The following TMC6 variants were observed in gnomAD, a reference collection of about 807,000 sequenced individuals.
TMC6 encodes the protein transmembrane channel-like protein 6.
Under a neutral mutation model 95.4 loss-of-function variants are expected in TMC6, and 71 were observed. The observed-to-expected ratio is 0.74, with a 90% CI of 0.61 to 0.91. The LOEUF is 0.91. TMC6 is among the 40% of genes least tolerant of loss of function. The pLI, the probability that TMC6 is intolerant of heterozygous loss-of-function variation, is 0.00. For synonymous variants in TMC6, 514 were observed against 483.1 expected (o/e 1.06, Z -0.84); for missense variants, 1,074 against 1,079.1 (o/e 1.00, Z 0.07).
chr17:78,118,332 G>A (rs749252891), intron 15 of TMC6, among the ~76,000 whole-genome samples: 2 of 151,844 alleles, frequency 1.3e-5, no homozygotes, highest in African/African-American at 2.4e-5. Context: ...TGAGGTGGGC[G>A]ATCACAAGGT....
chr17:78,117,511 TCAG>T lies in TMC6; in HGVS notation c.2152_2154del (p.Leu718del), dbSNP rs772588588. On this transcript the variant is annotated inframe_deletion, in exon 17 of 20. Transcript: ENST00000590602. Reference sequence around the variant, plus strand: ...AGGAAGACAAAGAAGGTGTTTTCCATCAGGTACCGGTGCACCCAGGGCAGCCAG... The same window carrying T: ...AGGAAGACAAAGAAGGTGTTTTCCATGTACCGGTGCACCCAGGGCAGCCAG... 1 of 1,607,496 alleles carries T rather than the reference TCAG, an allele frequency of 6.2e-7. No homozygotes were observed. The highest frequency in any genetic ancestry group is 1.3e-5 in the African/African-American group (1 of 74,852).
chr17:78,121,577 G>A lies in TMC6; in HGVS notation c.1362C>T (p.Val454=), dbSNP rs747212471. 1 of 1,611,550 alleles carries A rather than the reference G, an allele frequency of 6.2e-7. No individual in the cohort carries two copies. The highest frequency in any genetic ancestry group is 8.5e-7 in the Non-Finnish European group (1 of 1,179,742). ...GCACCTGGATCATGAACTCCGAGAA[G>A]ACGTGGACGGCCACGGCGCAGCCCA... ...TALGCAVAVH[V]FSEFMIQSPE... Residue 454 remains valine, a synonymous_variant, in exon 11 of 20, where the codon GTC becomes GTT. Coordinates refer to ENST00000590602, the MANE Select transcript of TMC6 (RefSeq NM_001127198.5). The surrounding 1 kb of genome is among the most constrained non-coding windows in gnomAD (Gnocchi z 5.6).
At chr17:78,116,053 G>A (rs142940275) in intron 18 of TMC6, among the ~76,000 whole-genome samples, 103 of 151,994 alleles carry the variant, frequency 6.8e-4, no homozygotes, top group African/African-American at 1.9e-3. Context: ...TCTGTCGCCC[G>A]GGCTGGAGTG....
chr17:78,130,641 GC>G (rs1325788437), upstream of TMC6: 5 of 152,322 alleles, frequency 3.3e-5, no homozygotes, highest in African/African-American at 9.6e-5. Context: ...CTTCACCTCT[GC>G]ATCTCAGGGG....
intron 15 of TMC6, 200 bp from the exon 16 acceptor site, chr17:78,118,135 A>G: frequency 1.2e-6 from 1 of 858,746 alleles, no homozygotes; most frequent in Non-Finnish European, 1.8e-6. Context: ...TGCCAACAGC[A>G]CCTCCATCTG....
chr17:78,123,981 G>C lies in TMC6; in HGVS notation c.1082+8C>G. 1 of 1,613,706 alleles carries C rather than the reference G, an allele frequency of 6.2e-7. No homozygotes were observed. The highest frequency in any genetic ancestry group is 8.5e-7 in the Non-Finnish European group (1 of 1,179,924). ...CTCGGAGCCTGGGTCATGAGGTGGA[G>C]GCATTACCTGTACACCAGGGTGATG... is the stretch of plus-strand genomic sequence containing the variant. On this transcript the variant is annotated splice_region_variant and intron_variant, in intron 9 of 19. Transcript: ENST00000590602.
chr17:78,111,393 C>G lies in TMC6; in HGVS notation c.*1755G>C, dbSNP rs1034462095. On this transcript the variant is annotated 3_prime_UTR_variant, in exon 20 of 20. Coordinates refer to ENST00000590602, the MANE Select transcript of TMC6 (RefSeq NM_001127198.5). Reference sequence around the variant, plus strand: ...ATGCTGGCAAGCCAGCAGTGGCAGGCGCACGTCCCCAGCCAGAGAGGGACC... The same window carrying G: ...ATGCTGGCAAGCCAGCAGTGGCAGGGGCACGTCCCCAGCCAGAGAGGGACC... 1 of 152,414 alleles carries G rather than the reference C, an allele frequency of 6.6e-6. No homozygotes were observed. The highest frequency in any genetic ancestry group is 2.4e-5 in the African/African-American group (1 of 41,474). The allele number at this position is 152,414 out of a possible 1,614,324, so 9.4% of individuals were successfully genotyped here.
chr17:78,120,221 G>A (rs916158772), intron 13 of TMC6: 6 of 344,956 alleles, frequency 1.7e-5, no homozygotes, highest in South Asian at 6.5e-5. Context: ...GTGCAGAGGC[G>A]CAATCTCAGC....
At chr17:78,120,575 C>G (rs2074362027) in intron 13 of TMC6, 78 bp downstream of exon 13, 26 of 1,606,822 alleles carry the variant, frequency 1.6e-5, no homozygotes, top group Non-Finnish European at 2.1e-5. Flanking sequence ...AAGGTCCAGG[C>G]CTGAGAACCT....
Position 78,121,664 on chromosome 17 carries a change from G to T in TMC6, c.1275C>A (p.Cys425Ter). 1 of 1,601,874 alleles carries T rather than the reference G, an allele frequency of 6.2e-7. No homozygotes were observed. Among genetic ancestry groups the T allele is most frequent in the African/African-American group, 1.3e-5 (1 of 74,900 alleles). Residue 425 changes from cysteine to a stop codon, truncating the protein, a stop_gained, in exon 11 of 20, where the codon TGC becomes TGA. Transcript: ENST00000590602. LOFTEE classifies it high-confidence loss of function. The surrounding 1 kb of genome is among the most constrained non-coding windows in gnomAD (Gnocchi z 5.6). ...GCACAGCCGCCTGCCGCAGCCTCCC[G>T]CACACGCTCCTGGGGCTGTGCCGCA... is the stretch of plus-strand genomic sequence containing the variant. ...WQLRHSPRSV[C>*]GRLRQAAVLG... is the part of the protein sequence containing the mutation.
Position 78,108,111 on chromosome 17 carries a change from A to G in TMC6, c.*5037T>C, listed in dbSNP as rs759883504. 6 of 152,138 alleles carry G rather than the reference A, an allele frequency of 3.9e-5. No individual in the cohort carries two copies. The highest frequency in any genetic ancestry group is 8.8e-5 in the Non-Finnish European group (6 of 68,070). The allele number at this position is 152,138 out of a possible 1,614,324, so 9.4% of individuals were successfully genotyped here. On this transcript the variant is annotated 3_prime_UTR_variant, in exon 20 of 20. Transcript: ENST00000590602. ...GTTACAGACAGGCCTCTGAAGACAA[A>G]CCGAGCACCCCAGCGGCCCCTCAAA...
chr17:78,120,511 G>A (rs2074359953), intron 13 of TMC6, 142 bp downstream of exon 13: 1 of 1,299,386 alleles, frequency 7.7e-7, no homozygotes, highest in Admixed American at 1.7e-5. Context: ...AATGAGTTCG[G>A]TTCTATTTCC....
At position 78,124,580 on chromosome 17, in the gene TMC6, G is replaced by C; in HGVS notation, c.835C>G (p.Pro279Ala). ...FIMGPQVAFP[P>A]ALPGPAPVCT... Reference sequence around the variant, plus strand: ...ACGGGGGCAGGGCCCGGCAGGGCGGGTGGGAAGGCGACCTGAGGGCCCATG... The same window carrying C: ...ACGGGGGCAGGGCCCGGCAGGGCGGCTGGGAAGGCGACCTGAGGGCCCATG... Residue 279 changes from proline to alanine, a missense_variant, in exon 8 of 20, where the codon CCC becomes GCC. Physicochemically the swap from Pro to Ala is conservative, Grantham distance 27. Coordinates refer to ENST00000590602, the MANE Select transcript of TMC6 (RefSeq NM_001127198.5). 6.2e-7 allele frequency: 1 copy of C among 1,612,230 alleles called. No individual in the cohort carries two copies. Among genetic ancestry groups the C allele is most frequent in the Non-Finnish European group, 8.5e-7 (1 of 1,179,802 alleles).
chr17:78,126,116 G>C (rs1183969028), intron 4 of TMC6, 161 bp downstream of exon 4: 1 of 1,161,852 alleles, frequency 8.6e-7, no homozygotes, highest in Non-Finnish European at 1.2e-6. Flanking sequence ...TGGGCCCCCA[G>C]GCAGCAGATG....
rs758034847 is a variant in TMC6, at chr17:78,117,227, T to C, written c.2277+42A>G. The C allele has an allele frequency of 2.0e-5, 32 of 1,604,974 alleles. No individual in the cohort carries two copies. In the Admixed American group the frequency reaches 3.3e-4, roughly 17 times the overall value. On this transcript the variant is annotated intron_variant, in intron 18 of 19. Transcript: ENST00000590602. ...AGGGGAGCGTCACCCTCAGGTGACC[T>C]GAGAGGGTGGGGGCTGAGAGCAGCC... is the stretch of plus-strand genomic sequence containing the variant.
In TMC6 at chr17:78,109,090, G is replaced by A. The variant is rs573678192; in HGVS notation, c.*4058C>T. 1 of 252,980 alleles carries A rather than the reference G, an allele frequency of 4.0e-6. No homozygotes were observed. The highest frequency in any genetic ancestry group is 2.2e-5 in the African/African-American group (1 of 44,676). 15.7% of individuals were successfully genotyped at this position (252,980 alleles called of 1,614,324 possible). A position where few individuals can be genotyped will look rare whatever the true frequency, so the allele number is the denominator to read the frequency against. On this transcript the variant is annotated 3_prime_UTR_variant, in exon 20 of 20. Transcript: ENST00000590602. ...TGATCTCGAACTGCTGGGAATACAG[G>A]CATGAGCCAGGTGCCCAGCCTTTGT...
upstream of TMC6, chr17:78,131,982 C>T: frequency 6.6e-7 from 1 of 1,522,664 alleles, no homozygotes; most frequent in Non-Finnish European, 8.8e-7. Context: ...AGCGCAGCGG[C>T]TGGCCCGGGG....
intron 5 of TMC6, among the ~76,000 whole-genome samples, chr17:78,125,493 CCCAGGG>C (rs1257455679): frequency 6.6e-6 from 1 of 152,246 alleles, no homozygotes; most frequent in Admixed American, 6.5e-5. Flanking sequence ...CGACTCGGGG[CCCAGGG>C]CCACAGCCCT....
upstream of TMC6, chr17:78,132,110 A>G: frequency 6.6e-7 from 1 of 1,526,630 alleles, no homozygotes; most frequent in East Asian, 2.4e-5. Flanking sequence ...GAGTGGCATC[A>G]TCCCACCTGC....
Sources: allele counts gnomAD v4.1 joint callset (sites outside exome capture counted in the v4.1 genomes callset), GRCh38; gene constraint gnomAD v4.1.1; non-coding constraint Gnocchi (gnomAD v3.1); transcripts MANE v1.5; gene names NCBI Gene and HGNC (gene_info 2026-07-23, HGNC 2026-07-21).